The following ENPP6 variants were observed in gnomAD, a reference collection of about 807,000 sequenced individuals.
ENPP6 encodes the protein ectonucleotide pyrophosphatase/phosphodiesterase 6.
A neutral mutation model predicts 42.0 loss-of-function variants in ENPP6; 32 were observed. The ratio of observed to expected loss-of-function variants is 0.76; its 90% confidence interval spans 0.58 to 1.02. The LOEUF (loss-of-function observed/expected upper bound fraction) is 1.02, where lower values mean the gene tolerates loss of function less well. ENPP6 is among the 50% of genes least tolerant of loss of function. ENPP6 has a pLI of 0.00. For missense variants in ENPP6, 552 were observed against 566.8 expected, an observed-to-expected ratio of 0.97 and a Z score of 0.27; for synonymous variants, 213 against 216.0, an observed-to-expected ratio of 0.99 and a Z score of 0.12.
chr4:184,121,261 C>T (rs1224382070), intron 3 of ENPP6, among the ~76,000 whole-genome samples: 1 of 152,192 alleles, frequency 6.6e-6, no homozygotes, highest in South Asian at 2.1e-4. Flanking sequence ...GTCAGTAATG[C>T]GTTATGAGCA....
At chr4:184,190,573 C>G (rs1207664801) in intron 1 of ENPP6, among the ~76,000 whole-genome samples, 1 of 152,168 alleles carries the variant, frequency 6.6e-6, no homozygotes, top group African/African-American at 2.4e-5. Context: ...GGAAAGCTGG[C>G]TAACTATTTA....
chr4:184,201,032 C>G (rs899604777), intron 1 of ENPP6, among the ~76,000 whole-genome samples: 2 of 152,228 alleles, frequency 1.3e-5, no homozygotes, highest in Admixed American at 1.3e-4. Flanking sequence ...TCTGGATCTT[C>G]TCTCCTTGCT....
chr4:184,156,222 C>A (rs912378882), intron 1 of ENPP6, among the ~76,000 whole-genome samples: 1 of 152,152 alleles, frequency 6.6e-6, no homozygotes, highest in Non-Finnish European at 1.5e-5. Flanking sequence ...CTGGGAAGAG[C>A]AGCCTTTCCC....
intron 7 of ENPP6, among the ~76,000 whole-genome samples, chr4:184,095,662 A>AT (rs1471588867): frequency 6.7e-6 from 1 of 148,180 alleles, no homozygotes; most frequent in African/African-American, 2.6e-5. Context: ...CTCAAAAAAA[A>AT]AAAATATATC....
At chr4:184,202,447 G>T (rs774126917) in intron 1 of ENPP6, among the ~76,000 whole-genome samples, 9 of 152,126 alleles carry the variant, frequency 5.9e-5, no homozygotes, top group Non-Finnish European at 1.0e-4. Flanking sequence ...GGAGGAGCCT[G>T]TTGGACTATC....
At chr4:184,139,513 C>T (rs1327873711) in intron 2 of ENPP6, among the ~76,000 whole-genome samples, 1 of 125,508 alleles carries the variant, frequency 8.0e-6, no homozygotes, top group Non-Finnish European at 1.6e-5. Flanking sequence ...CCCCTCCCCC[C>T]ACCCCACAAT....
intron 1 of ENPP6, among the ~76,000 whole-genome samples, chr4:184,170,734 G>A (rs1337406108): frequency 6.6e-6 from 1 of 152,170 alleles, no homozygotes; most frequent in Non-Finnish European, 1.5e-5. Flanking sequence ...AGAATCCACT[G>A]CACGTGGTGC....
chr4:184,157,488 CCTTTCCTTT>C (rs1263066239), intron 1 of ENPP6, among the ~76,000 whole-genome samples: 4 of 146,654 alleles, frequency 2.7e-5, no homozygotes, highest in Non-Finnish European at 6.0e-5. Flanking sequence ...TTCTTTCCTT[CCTTTCCTTT>C]CTTTCCTCTT....
At chr4:184,145,783 T>C (rs890115812) in intron 2 of ENPP6, among the ~76,000 whole-genome samples, 23 of 152,220 alleles carry the variant, frequency 1.5e-4, no homozygotes, top group Non-Finnish European at 3.4e-4. Context: ...TGAGGGCAAG[T>C]GAATGCAGTT....
intron 1 of ENPP6, among the ~76,000 whole-genome samples, chr4:184,169,218 A>C (rs1737415288): frequency 6.6e-6 from 1 of 152,038 alleles, no homozygotes; most frequent in Non-Finnish European, 1.5e-5. Context: ...AAAGTGTGGC[A>C]TCCAGCCCTA....
intron 2 of ENPP6, among the ~76,000 whole-genome samples, chr4:184,150,649 T>A (rs1477769790): frequency 6.6e-6 from 1 of 152,218 alleles, no homozygotes; most frequent in South Asian, 2.1e-4. Flanking sequence ...AGGGCACACC[T>A]TGCTGGGCTG....
intron 6 of ENPP6, among the ~76,000 whole-genome samples, chr4:184,109,917 C>T (rs1324884219): frequency 1.3e-5 from 2 of 152,228 alleles, no homozygotes; most frequent in South Asian, 2.1e-4. Context: ...ACATGGTCAA[C>T]GCTGATTTGT....
rs541789495 is a variant in ENPP6, at chr4:184,090,936, G to C, written c.*241C>G. 1 of 453,876 alleles carries C rather than the reference G, an allele frequency of 2.2e-6. No homozygotes were observed. Among genetic ancestry groups the C allele is most frequent in the Non-Finnish European group, 3.8e-6 (1 of 261,798 alleles). 28.1% of individuals were successfully genotyped at this position (453,876 alleles called of 1,614,324 possible). ...GTAACGTGAAAAGAAAGGAGAAAAT[G>C]ACATATAACTGCACAAATGGAAAGC... On this transcript the variant is annotated 3_prime_UTR_variant, in exon 8 of 8. Transcript: ENST00000296741.
chr4:184,143,186 G>A (rs531553280), intron 2 of ENPP6, among the ~76,000 whole-genome samples: 138 of 152,352 alleles, frequency 9.1e-4, no homozygotes, highest in African/African-American at 3.2e-3. Flanking sequence ...ATGCTGACAA[G>A]TCCTTTAATG....
chr4:184,180,275 C>A (rs572729109), intron 1 of ENPP6, among the ~76,000 whole-genome samples: 23 of 152,218 alleles, frequency 1.5e-4, no homozygotes, highest in Non-Finnish European at 2.4e-4. Context: ...TGGATAAATT[C>A]CTGGACACAT....
intron 1 of ENPP6, among the ~76,000 whole-genome samples, chr4:184,206,350 C>T (rs1292212681): frequency 2.5e-5 from 3 of 121,112 alleles, no homozygotes; most frequent in Admixed American, 8.6e-5. Flanking sequence ...CTCCGCCTCC[C>T]GGGTTCCCGC....
intron 1 of ENPP6, among the ~76,000 whole-genome samples, chr4:184,168,401 A>G (rs1336949433): frequency 6.6e-6 from 1 of 152,162 alleles, no homozygotes; most frequent in Non-Finnish European, 1.5e-5. Context: ...TTCTTACTTG[A>G]TATCTACAGA....
chr4:184,213,332 C>T lies in ENPP6; in HGVS notation c.241+4247G>A, dbSNP rs1394434136. ...ACAAAATGGGAGAAAATTTTCGCAA[C>T]CTACTCATCTGACAAAGGGCTAATA... On this transcript the variant is annotated intron_variant, in intron 1 of 7. Coordinates refer to ENST00000296741, the MANE Select transcript of ENPP6 (RefSeq NM_153343.4). Among the ~76,000 whole-genome samples, 1,044 of 150,818 alleles carry T rather than the reference C, an allele frequency of 6.9e-3. 11 individuals carry two copies. Among genetic ancestry groups the T allele is most frequent in the African/African-American group, 0.024 (978 of 41,000 alleles).
chr4:184,174,534 A>G (rs1228196799), intron 1 of ENPP6, among the ~76,000 whole-genome samples: 5 of 152,212 alleles, frequency 3.3e-5, no homozygotes, highest in Non-Finnish European at 7.3e-5. Flanking sequence ...GGGTTCCAGA[A>G]TGACCTCATG....
Sources: gnomAD v4.1 joint callset for allele counts (sites outside exome capture counted in the v4.1 genomes callset) on GRCh38, gnomAD v4.1.1 for gene constraint, MANE v1.5 for transcripts, NCBI Gene and HGNC (gene_info 2026-07-23, HGNC 2026-07-21) for gene names.